Variants in DCC observed in about 807,000 individuals in gnomAD.
The protein encoded by DCC is netrin receptor DCC.
DCC carries 58 observed loss-of-function variants against 172.5 expected under a neutral mutation model. That is an observed-to-expected ratio of 0.34 (90% CI 0.27 to 0.42). DCC has a LOEUF of 0.42. Ranked by LOEUF, DCC falls within the 10% of genes least tolerant of loss-of-function variation. The probability of loss-of-function intolerance (pLI) is 1.00; values close to 1 mark genes in which losing one functional copy is unlikely to be tolerated. For missense variants in DCC, 1,740 were observed against 1,791.0 expected (o/e 0.97, Z 0.51); for synonymous variants, 709 against 644.5 (o/e 1.10, Z -1.52).
intron 5 of DCC, among the ~76,000 whole-genome samples, chr18:52,947,402 C>A (rs1414560585): frequency 6.6e-6 from 1 of 152,122 alleles, no homozygotes; most frequent in Non-Finnish European, 1.5e-5. Flanking sequence ...ACCAGTTTGG[C>A]ATCAGATTTA....
chr18:52,610,683 G>A (rs2034261281), intron 1 of DCC, among the ~76,000 whole-genome samples: 1 of 152,016 alleles, frequency 6.6e-6, no homozygotes, highest in South Asian at 2.1e-4. Context: ...ATGCCGCTTT[G>A]GTGACAGCCC....
At chr18:53,251,129 CTGAT>C (rs1469905259) in intron 12 of DCC, among the ~76,000 whole-genome samples, 1 of 151,928 alleles carries the variant, frequency 6.6e-6, no homozygotes, top group African/African-American at 2.4e-5. Flanking sequence ...ATTCCCTGAT[CTGAT>C]TATTAGAATC....
Position 53,346,058 on chromosome 18 carries a change from C to T in DCC, c.2359+6151C>T, listed in dbSNP as rs189986748. On this transcript the variant is annotated intron_variant, in intron 15 of 28. Coordinates refer to ENST00000442544, the MANE Select transcript of DCC (RefSeq NM_005215.4). Reference sequence around the variant, plus strand: ...GGCCAGGTTGGAGTACAGTGGAGCTCTCATGGCTCACTGCAGCCTTGACCT... The same window carrying T: ...GGCCAGGTTGGAGTACAGTGGAGCTTTCATGGCTCACTGCAGCCTTGACCT... 7.6e-4 allele frequency among the ~76,000 whole-genome samples: 116 copies of T among 152,112 alleles called. 1 individual carries two copies. Among genetic ancestry groups the T allele is most frequent in the African/African-American group, 2.8e-3 (115 of 41,518 alleles).
At chr18:53,278,417 G>A (rs936328439) in intron 12 of DCC, among the ~76,000 whole-genome samples, 19 of 152,178 alleles carry the variant, frequency 1.2e-4, no homozygotes, top group Middle Eastern at 3.4e-3. Flanking sequence ...CCACCATACC[G>A]TCTATATCTA....
chr18:53,379,607 C>T (rs1907567949), intron 15 of DCC, among the ~76,000 whole-genome samples: 1 of 152,160 alleles, frequency 6.6e-6, no homozygotes, highest in African/African-American at 2.4e-5. Context: ...GGAAGGAGAA[C>T]CCAGGCTTTT....
intron 2 of DCC, among the ~76,000 whole-genome samples, chr18:52,817,085 C>T (rs1018423072): frequency 1.3e-5 from 2 of 151,976 alleles, no homozygotes; most frequent in Admixed American, 1.3e-4. Context: ...CATTATATCC[C>T]TTGATCCAAA....
intron 2 of DCC, among the ~76,000 whole-genome samples, chr18:52,812,310 G>T (rs938891397): frequency 1.3e-5 from 2 of 152,074 alleles, no homozygotes; most frequent in Non-Finnish European, 1.5e-5. Flanking sequence ...CCTTTCCAAT[G>T]ATCAATGTCT....
intron 12 of DCC, among the ~76,000 whole-genome samples, chr18:53,239,239 A>C (rs1448448329): frequency 3.3e-5 from 5 of 150,868 alleles, no homozygotes; most frequent in Admixed American, 1.3e-4. Context: ...AAAAAAAAAA[A>C]CTCCAGCAAA....
chr18:53,085,989 C>CTTATTATTATTATTATTATTATTA (rs1568294134), intron 7 of DCC, among the ~76,000 whole-genome samples: 1 of 55,932 alleles, frequency 1.8e-5, no homozygotes, highest in Admixed American at 1.2e-4. Context: ...TCTTCTTCTT[C>CTTATTATTATTATTATTATTATTA]TCCTTCTCCT....
At chr18:53,521,149 T>TAAAC (rs1169740692) in intron 27 of DCC, among the ~76,000 whole-genome samples, 1 of 152,156 alleles carries the variant, frequency 6.6e-6, no homozygotes, top group Non-Finnish European at 1.5e-5. Context: ...ATCTGAGGTT[T>TAAAC]AAACACTCTG....
At chr18:52,765,509 C>A (rs527833560) in intron 2 of DCC, among the ~76,000 whole-genome samples, 3 of 152,278 alleles carry the variant, frequency 2.0e-5, no homozygotes, top group South Asian at 2.1e-4. Context: ...TCAGTTCTTG[C>A]AACCCACCTT....
chr18:52,413,734 A>G (rs570416253), intron 1 of DCC, among the ~76,000 whole-genome samples: 1 of 152,294 alleles, frequency 6.6e-6, no homozygotes, highest in Non-Finnish European at 1.5e-5. Flanking sequence ...ACATGTTAGT[A>G]TCGAAGACAG....
chr18:52,729,596 A>G (rs2036604674), intron 1 of DCC, among the ~76,000 whole-genome samples: 1 of 152,208 alleles, frequency 6.6e-6, no homozygotes, highest in Non-Finnish European at 1.5e-5. Context: ...AACAGGAACT[A>G]TCTCTTTGCT....
chr18:53,505,683 TAATA>T (rs992406246), intron 27 of DCC, among the ~76,000 whole-genome samples: 4 of 152,060 alleles, frequency 2.6e-5, no homozygotes, highest in East Asian at 1.9e-4. Context: ...AAGTGAAAAA[TAATA>T]AATAATCTAT....
intron 1 of DCC, among the ~76,000 whole-genome samples, chr18:52,450,525 G>T (rs568699815): frequency 4.9e-4 from 75 of 152,268 alleles, no homozygotes; most frequent in African/African-American, 1.8e-3. Flanking sequence ...AATAAATTAA[G>T]TGGTTATTCT....
intron 1 of DCC, among the ~76,000 whole-genome samples, chr18:52,703,788 C>A (rs1599032666): frequency 1.8e-5 from 2 of 110,614 alleles, no homozygotes; most frequent in African/African-American, 2.8e-5. Flanking sequence ...CTAAAGGAAA[C>A]AAAGTTAAAT....
At chr18:52,871,647 G>T (rs531088147) in intron 2 of DCC, among the ~76,000 whole-genome samples, 23 of 152,188 alleles carry the variant, frequency 1.5e-4, no homozygotes, top group South Asian at 4.1e-4. Flanking sequence ...TAGAAACAGG[G>T]TCTTGTCATC....
chr18:52,741,119 T>C (rs1273293969), intron 1 of DCC, among the ~76,000 whole-genome samples: 1 of 152,238 alleles, frequency 6.6e-6, no homozygotes, highest in East Asian at 1.9e-4. Flanking sequence ...TCATATAAAC[T>C]ACATAAATTG....
chr18:52,576,089 C>T (rs2033403865), intron 1 of DCC, among the ~76,000 whole-genome samples: 1 of 152,082 alleles, frequency 6.6e-6, no homozygotes, highest in African/African-American at 2.4e-5. Flanking sequence ...ATTTTTGCGG[C>T]ATGAGGTTTA....
Sources: gnomAD v4.1 joint callset for allele counts (sites outside exome capture counted in the v4.1 genomes callset) on GRCh38, gnomAD v4.1.1 for gene constraint, MANE v1.5 for transcripts, NCBI Gene and HGNC (gene_info 2026-07-23, HGNC 2026-07-21) for gene names.